The following DEPDC5 variants were observed in gnomAD, a reference collection of about 807,000 sequenced individuals.
DEPDC5 encodes the protein DEP domain containing 5, GATOR1 subcomplex subunit, also known as GATOR1 complex protein DEPDC5.
Under a neutral mutation model 217.3 loss-of-function variants are expected in DEPDC5, and 73 were observed. The ratio of observed to expected loss-of-function variants is 0.34; its 90% CI spans 0.28 to 0.41. DEPDC5 has a LOEUF of 0.41. Ranked by LOEUF, DEPDC5 falls within the 10% of genes least tolerant of loss-of-function variation. The pLI, the probability that DEPDC5 is intolerant of heterozygous loss-of-function variation, is 1.00. For missense variants in DEPDC5, 1,675 were observed against 2,070.1 expected (o/e 0.81, Z 3.70); for synonymous variants, 733 against 756.7 (o/e 0.97, Z 0.51).
intron 32 of DEPDC5, chr22:31,857,765 C>A: frequency 4.4e-6 from 2 of 450,300 alleles, no homozygotes. Context: ...CTAGTTAAAT[C>A]CGGATATAAA....
At chr22:31,822,060 A>G (rs1294142627) in intron 23 of DEPDC5, among the ~76,000 whole-genome samples, 1 of 152,242 alleles carries the variant, frequency 6.6e-6, no homozygotes, top group Non-Finnish European at 1.5e-5. Flanking sequence ...TGAGTTTAGA[A>G]TAAGTTAATG....
At chr22:31,809,761 C>T (rs1415201812) in intron 19 of DEPDC5, 114 bp downstream of exon 19, 2 of 1,061,634 alleles carry the variant, frequency 1.9e-6, no homozygotes, top group East Asian at 2.7e-5. Context: ...TGGTGGATCA[C>T]CTGAGGTCAG....
At chr22:31,830,814 GA>G (rs1185039197) in intron 24 of DEPDC5, among the ~76,000 whole-genome samples, 4 of 151,106 alleles carry the variant, frequency 2.6e-5, no homozygotes, top group Non-Finnish European at 5.9e-5. Flanking sequence ...TTGTCTTGCA[GA>G]CCAAGTCTAG....
chr22:31,836,803 C>A, intron 25 of DEPDC5, 169 bp from the exon 26 acceptor site: 1 of 615,872 alleles, frequency 1.6e-6, no homozygotes, highest in South Asian at 2.0e-5. Flanking sequence ...AACTCTGTTT[C>A]TCTCTCTTTC....
chr22:31,864,039 C>T (rs1263090936), intron 33 of DEPDC5, among the ~76,000 whole-genome samples: 2 of 151,358 alleles, frequency 1.3e-5, no homozygotes, highest in African/African-American at 4.9e-5. Flanking sequence ...CAACATAAAA[C>T]TTGCTTTGTG....
At chr22:31,767,356 C>T (rs865894610) in intron 6 of DEPDC5, among the ~76,000 whole-genome samples, 1 of 151,182 alleles carries the variant, frequency 6.6e-6, no homozygotes, top group Admixed American at 6.6e-5. Context: ...AGTGCAATGG[C>T]GTGATCTCGG....
rs776784907 is a variant in DEPDC5, at chr22:31,768,874, C to T, written c.413+11C>T. 1.2e-6 allele frequency: 2 copies of T among 1,606,046 alleles called. No homozygotes were observed. Among genetic ancestry groups the T allele is most frequent in the Non-Finnish European group, 1.7e-6 (2 of 1,174,944 alleles). ...GTTTGCTGGCATCAGGTAGATATTA[C>T]ATCACTCTTGCCTTATCTGTGCAGT... On this transcript the variant is annotated intron_variant, in intron 7 of 42. Transcript: ENST00000651528.
chr22:31,771,941 T>A (rs1331303207), intron 7 of DEPDC5, among the ~76,000 whole-genome samples: 1 of 151,938 alleles, frequency 6.6e-6, no homozygotes, highest in African/African-American at 2.4e-5. Context: ...TGGTGGCGCT[T>A]GTAGTCCCAG....
intron 33 of DEPDC5, 27 bp from the exon 34 acceptor site, chr22:31,870,563 A>G: frequency 6.8e-7 from 1 of 1,472,780 alleles, no homozygotes; most frequent in Non-Finnish European, 9.0e-7. Flanking sequence ...TTTTGGAATC[A>G]AGTATTCATT....
chr22:31,829,197 G>A (rs978246165), intron 24 of DEPDC5, among the ~76,000 whole-genome samples: 2 of 152,182 alleles, frequency 1.3e-5, no homozygotes, highest in Non-Finnish European at 2.9e-5. Context: ...TTGGGACAAG[G>A]TGGGGTCTGA....
intron 40 of DEPDC5, among the ~76,000 whole-genome samples, chr22:31,900,439 T>A (rs2149411716): frequency 6.6e-6 from 1 of 152,174 alleles, no homozygotes; most frequent in South Asian, 2.1e-4. Flanking sequence ...AGATTGGTAA[T>A]ACAAAAAAGT....
chr22:31,901,427 C>T (rs2093646968), intron 40 of DEPDC5, among the ~76,000 whole-genome samples: 1 of 152,110 alleles, frequency 6.6e-6, no homozygotes, highest in Admixed American at 6.6e-5. Flanking sequence ...ATGCTCCTTT[C>T]AGCTTTGGGT....
chr22:31,791,953 A>C, intron 10 of DEPDC5, 80 bp from the exon 11 acceptor site: 1 of 532,608 alleles, frequency 1.9e-6, no homozygotes, highest in South Asian at 3.1e-5. Context: ...AAAAAAAAAG[A>C]ATATTATATG....
At chr22:31,778,956 C>T (rs1434192715) in intron 8 of DEPDC5, among the ~76,000 whole-genome samples, 1 of 152,146 alleles carries the variant, frequency 6.6e-6, no homozygotes, top group Non-Finnish European at 1.5e-5. Flanking sequence ...TCCTGCTAAA[C>T]ATGCTACACG....
chr22:31,815,316 T>G, intron 21 of DEPDC5, 104 bp downstream of exon 21: 1 of 1,234,292 alleles, frequency 8.1e-7, no homozygotes, highest in Non-Finnish European at 1.2e-6. Flanking sequence ...ATCCCACATC[T>G]TAATGATTTC....
chr22:31,770,547 A>AT (rs34409975), intron 7 of DEPDC5, among the ~76,000 whole-genome samples: 9,735 of 133,406 alleles, frequency 0.073, 420 homozygotes, highest in South Asian at 0.18. Flanking sequence ...CACGTAGCTA[A>AT]TTTTTTTTTT....
At chr22:31,862,427 TG>T (rs2092549229) in intron 33 of DEPDC5, among the ~76,000 whole-genome samples, 1 of 151,808 alleles carries the variant, frequency 6.6e-6, no homozygotes, top group Non-Finnish European at 1.5e-5. Context: ...TAGTCGGGCA[TG>T]GTGGCACATG....
chr22:31,778,250 CG>C (rs2084084194), intron 8 of DEPDC5, 82 bp downstream of exon 8: 2 of 1,391,290 alleles, frequency 1.4e-6, no homozygotes, highest in Non-Finnish European at 2.0e-6. Flanking sequence ...AAAACAAGGG[CG>C]GGGCAGGACA....
intron 18 of DEPDC5, among the ~76,000 whole-genome samples, chr22:31,806,827 T>C (rs1026687133): frequency 5.3e-5 from 8 of 152,090 alleles, no homozygotes; most frequent in African/African-American, 1.7e-4. Context: ...GCAACAAATA[T>C]AGTGAGACCC....
Sources: allele counts gnomAD v4.1 joint callset (sites outside exome capture counted in the v4.1 genomes callset), GRCh38; gene constraint gnomAD v4.1.1; transcripts MANE v1.5; gene names NCBI Gene and HGNC (gene_info 2026-07-23, HGNC 2026-07-21).